CEP112: variants seen among roughly 807,000 people sequenced by gnomAD.
CEP112 encodes centrosomal protein of 112 kDa.
CEP112 carries 127 observed loss-of-function variants against 153.0 expected under a neutral mutation model. The ratio of observed to expected loss-of-function variants is 0.83; its 90% CI spans 0.72 to 0.96. CEP112 has a LOEUF of 0.96. CEP112 is among the 40% of genes least tolerant of loss of function. CEP112 has a pLI of 0.00. For missense variants in CEP112, 1,089 were observed against 1,101.2 expected (o/e 0.99, Z 0.16); for synonymous variants, 358 against 374.4 (o/e 0.96, Z 0.51).
Position 66,034,590 on chromosome 17 carries a change from G to C in CEP112, c.1219-4567C>G, listed in dbSNP as rs1206996569. Among the ~76,000 whole-genome samples the C allele has an allele frequency of 7.8e-3, 163 of 20,952 alleles. 1 individual carries two copies. The highest frequency in any genetic ancestry group is 2.1e-3 in the Non-Finnish European group (12 of 5,752). The allele number at this position is 20,952 out of a possible 152,430, so 13.7% of individuals were successfully genotyped here. A position where few individuals can be genotyped will look rare whatever the true frequency, so the allele number is the denominator to read the frequency against. On this transcript the variant is annotated intron_variant, in intron 12 of 26. Transcript: ENST00000535342. ...AACCAGACAGCTCTCTTTCTACAATGTGAATAATTACAGTGGAGATGAGAG... is the reference window on the plus strand; with the variant it reads ...AACCAGACAGCTCTCTTTCTACAATCTGAATAATTACAGTGGAGATGAGAG...
At chr17:65,904,056 G>T (rs1222683987) in intron 19 of CEP112, among the ~76,000 whole-genome samples, 2 of 151,106 alleles carry the variant, frequency 1.3e-5, no homozygotes, top group Non-Finnish European at 3.0e-5. Flanking sequence ...ACCGGCACAA[G>T]ACTCTCACCA....
intron 20 of CEP112, among the ~76,000 whole-genome samples, chr17:65,859,736 C>T (rs948311344): frequency 2.9e-4 from 43 of 149,582 alleles, no homozygotes; most frequent in African/African-American, 9.6e-4. Context: ...GGGCCAGGTG[C>T]GGTGGCTCAT....
chr17:65,717,606 C>T (rs1197488275), intron 23 of CEP112, among the ~76,000 whole-genome samples: 1 of 152,178 alleles, frequency 6.6e-6, no homozygotes, highest in African/African-American at 2.4e-5. Flanking sequence ...GTTCAGTGTC[C>T]AGCACAGTGG....
chr17:65,741,808 A>C (rs1276105363), intron 23 of CEP112, among the ~76,000 whole-genome samples: 1 of 152,100 alleles, frequency 6.6e-6, no homozygotes, highest in Non-Finnish European at 1.5e-5. Context: ...CAAAATATGC[A>C]ATGCAGTTTA....
chr17:65,664,290 G>A (rs2046568115), intron 24 of CEP112, among the ~76,000 whole-genome samples: 2 of 152,210 alleles, frequency 1.3e-5, no homozygotes, highest in African/African-American at 4.8e-5. Flanking sequence ...AGTGTGGCTG[G>A]TGTGAGAGCT....
chr17:65,897,267 T>C (rs1044690842), intron 20 of CEP112, among the ~76,000 whole-genome samples: 1 of 152,094 alleles, frequency 6.6e-6, no homozygotes, highest in Non-Finnish European at 1.5e-5. Flanking sequence ...CAAAAATATA[T>C]ACTACCTCAG....
chr17:65,851,372 G>A (rs1280365584), intron 21 of CEP112, among the ~76,000 whole-genome samples: 1 of 152,066 alleles, frequency 6.6e-6, no homozygotes, highest in African/African-American at 2.4e-5. Context: ...GGGAAAATAA[G>A]TCATCATTTA....
At chr17:65,649,031 A>G (rs1356442969) in intron 24 of CEP112, among the ~76,000 whole-genome samples, 2 of 152,020 alleles carry the variant, frequency 1.3e-5, no homozygotes, top group African/African-American at 4.8e-5. Flanking sequence ...AGCCTGGGCA[A>G]CAGAGTGAGA....
At chr17:65,913,294 G>A (rs985665291) in intron 19 of CEP112, among the ~76,000 whole-genome samples, 1 of 152,066 alleles carries the variant, frequency 6.6e-6, no homozygotes, top group African/African-American at 2.4e-5. Flanking sequence ...TTTCTTTTTA[G>A]TCACAGTTAT....
At chr17:66,117,147 A>G (rs1236585373) in intron 6 of CEP112, among the ~76,000 whole-genome samples, 1 of 152,006 alleles carries the variant, frequency 6.6e-6, no homozygotes, top group African/African-American at 2.4e-5. Context: ...ACTCGCCTCA[A>G]TCTCCCAAAG....
rs756079092 is a variant in CEP112 at position 66,040,171 on chromosome 17, C to T, written c.1219-10148G>A. ...ATATAAAAATTTGAACTTCTTACAG[C>T]AGTGTATGAGACTTCAGACTATTCT... On this transcript the variant is annotated intron_variant, in intron 12 of 26. Coordinates refer to ENST00000535342, the MANE Select transcript of CEP112 (RefSeq NM_001199165.4). Among the ~76,000 whole-genome samples the T allele has an allele frequency of 5.8e-4, 89 of 152,276 alleles. No individual in the cohort carries two copies. In the Middle Eastern group the frequency reaches 0.01, roughly 17 times the overall value.
intron 6 of CEP112, among the ~76,000 whole-genome samples, chr17:66,110,776 A>G (rs2069000937): frequency 6.6e-6 from 1 of 152,156 alleles, no homozygotes; most frequent in Non-Finnish European, 1.5e-5. Context: ...GAACCTAGGC[A>G]ATACATCCTG....
At chr17:65,905,974 T>C (rs1446839291) in intron 19 of CEP112, among the ~76,000 whole-genome samples, 1 of 151,856 alleles carries the variant, frequency 6.6e-6, no homozygotes, top group Non-Finnish European at 1.5e-5. Context: ...CATGCACACT[T>C]ATGTTTATTG....
intron 2 of CEP112, among the ~76,000 whole-genome samples, chr17:66,180,479 A>G (rs1353713856): frequency 6.6e-6 from 1 of 152,148 alleles, no homozygotes; most frequent in African/African-American, 2.4e-5. Flanking sequence ...GATTTATCTA[A>G]GCATTTTCAA....
intron 4 of CEP112, among the ~76,000 whole-genome samples, chr17:66,151,470 C>T (rs1443542550): frequency 6.6e-6 from 1 of 152,198 alleles, no homozygotes; most frequent in South Asian, 2.1e-4. Context: ...TATGTCCTTT[C>T]CCTTGAGTAT....
rs1011644717 is a variant in CEP112, at chr17:65,645,834, A to C, written c.2698-4769T>G. 4.6e-5 allele frequency among the ~76,000 whole-genome samples: 7 copies of C among 152,186 alleles called. No individual in the cohort carries two copies. In the South Asian group the frequency reaches 6.2e-4, roughly 14 times the overall value. On this transcript the variant is annotated intron_variant, in intron 24 of 26. Coordinates refer to ENST00000535342, the MANE Select transcript of CEP112 (RefSeq NM_001199165.4). ...GCTAGTTCCTTTTTCTAAAAGAAAA[A>C]TTACACCTCCTTTTTGAATGGAACC... is the stretch of plus-strand genomic sequence containing the variant.
chr17:66,020,115 T>C (rs1489629020), intron 16 of CEP112, among the ~76,000 whole-genome samples: 1 of 152,128 alleles, frequency 6.6e-6, no homozygotes, highest in East Asian at 1.9e-4. Context: ...GAAGAGGGCT[T>C]ACCAGACTGC....
At chr17:66,092,092 A>AT (rs1422817652) in intron 8 of CEP112, among the ~76,000 whole-genome samples, 10 of 149,240 alleles carry the variant, frequency 6.7e-5, no homozygotes, top group African/African-American at 2.5e-4. Flanking sequence ...CCCAGGCTGG[A>AT]GTGCAGTAGT....
chr17:65,865,307 G>T (rs573810972), intron 20 of CEP112, among the ~76,000 whole-genome samples: 7 of 152,258 alleles, frequency 4.6e-5, no homozygotes, highest in African/African-American at 1.7e-4. Context: ...CTCCCAAAGT[G>T]CTGGGATTAC....
Sources: allele counts gnomAD v4.1 joint callset (sites outside exome capture counted in the v4.1 genomes callset), GRCh38; gene constraint gnomAD v4.1.1; transcripts MANE v1.5; gene names NCBI Gene and HGNC (gene_info 2026-07-23, HGNC 2026-07-21).